LRP2: variants seen among roughly 807,000 people sequenced by gnomAD.
LRP2 encodes low-density lipoprotein receptor-related protein 2.
Under a neutral mutation model 531.0 loss-of-function variants are expected in LRP2, and 172 were observed. The ratio of observed to expected loss-of-function variants is 0.32; its 90% CI spans 0.29 to 0.37. LRP2 has a LOEUF of 0.37. LRP2 is among the 10% of genes least tolerant of loss of function. LRP2 has a pLI of 1.00. For synonymous variants in LRP2, 1,992 were observed against 2,027.6 expected (o/e 0.98, Z 0.47); for missense variants, 5,167 against 5,868.3 (o/e 0.88, Z 3.90).
At chr2:169,162,637 C>T (rs975424598) in intron 62 of LRP2, 37 bp from the exon 63 acceptor site, 7 of 1,610,762 alleles carry the variant, frequency 4.3e-6, no homozygotes, top group Non-Finnish European at 1.7e-6. Context: ...AAAACTTTTT[C>T]TTTTATGAAG....
intron 1 of LRP2, among the ~76,000 whole-genome samples, chr2:169,346,265 C>T (rs2105567587): frequency 6.6e-6 from 1 of 152,334 alleles, no homozygotes; most frequent in African/African-American, 2.4e-5. Flanking sequence ...CAGCAAGAAG[C>T]ATCTAACTTC....
At chr2:169,159,484 T>C (rs942105881) in intron 63 of LRP2, among the ~76,000 whole-genome samples, 2 of 152,190 alleles carry the variant, frequency 1.3e-5, no homozygotes, top group African/African-American at 4.8e-5. Context: ...GCTGTATGCA[T>C]GAAAGTCTTA....
At chr2:169,240,467 A>G (rs1405690983) in intron 25 of LRP2, among the ~76,000 whole-genome samples, 1 of 152,216 alleles carries the variant, frequency 6.6e-6, no homozygotes, top group African/African-American at 2.4e-5. Flanking sequence ...CACAACACAT[A>G]TGAAATCATA....
In LRP2 at chr2:169,137,473, T is replaced by C. The variant is rs1166476216; in HGVS notation, c.13539A>G (p.Glu4513=). The C allele has an allele frequency of 6.2e-7, 1 of 1,612,324 alleles. No individual in the cohort carries two copies. The highest frequency in any genetic ancestry group is 1.7e-5 in the Admixed American group (1 of 59,996). ...SMAMSEDFVM[E]MGKQPIIFEN... ...CAAATATTATGGGCTGCTTCCCCAT[T>C]TCCATGACAAAGTCTTCACTCTGAT... Residue 4513 remains glutamate, a synonymous_variant, in exon 76 of 79, where the codon GAA becomes GAG. Coordinates refer to ENST00000649046, the MANE Select transcript of LRP2 (RefSeq NM_004525.3).
intron 6 of LRP2, among the ~76,000 whole-genome samples, chr2:169,292,759 G>T (rs947811983): frequency 6.6e-6 from 1 of 151,064 alleles, no homozygotes; most frequent in South Asian, 2.1e-4. Context: ...GCCTGGTGGG[G>T]GTGTGTGGAG....
At position 169,185,668 on chromosome 2, in the gene LRP2, T is replaced by C. The variant is rs2105301655; in HGVS notation, c.9680A>G (p.Asp3227Gly). Residue 3227 changes from aspartate (D) to glycine (G), a missense_variant, in exon 50 of 79, where the codon GAC becomes GGC. Asp to Gly is a moderately conservative substitution (Grantham distance 94, BLOSUM62 -1). This residue lies in a region of LRP2 where 1,129 missense variants were observed against 1,362.7 expected (regional missense o/e 0.83). Coordinates refer to ENST00000649046, the MANE Select transcript of LRP2 (RefSeq NM_004525.3). ...GTCAAAATCTAATGCCACAACATTG[T>C]CCAGTCCTTCCAAGATGAGGGAGTA... ...YFYSLILEGL[D>G]NVVALDFDRV... The C allele has an allele frequency of 1.2e-6, 2 of 1,614,196 alleles. No homozygotes were observed. The highest frequency in any genetic ancestry group is 1.7e-6 in the Non-Finnish European group (2 of 1,180,018).
intron 49 of LRP2, 123 bp downstream of exon 49, chr2:169,187,847 G>T: frequency 9.2e-7 from 1 of 1,082,710 alleles, no homozygotes; most frequent in Non-Finnish European, 1.4e-6. Flanking sequence ...GCTATATCAG[G>T]AATAGTGATT....
chr2:169,316,073 T>C (rs1401757635), intron 3 of LRP2, among the ~76,000 whole-genome samples: 6 of 144,858 alleles, frequency 4.1e-5, no homozygotes, highest in Non-Finnish European at 7.5e-5. Context: ...GCCCAGGAGG[T>C]CAAGGCTACA....
chr2:169,174,679 T>G (rs113861106), intron 55 of LRP2, among the ~76,000 whole-genome samples: 18 of 152,274 alleles, frequency 1.2e-4, no homozygotes, highest in Admixed American at 6.5e-5. Context: ...AGGCTAATTT[T>G]TTGTATTTTT....
chr2:169,287,072 T>G (rs1168918149), intron 9 of LRP2, among the ~76,000 whole-genome samples: 2 of 152,136 alleles, frequency 1.3e-5, no homozygotes, highest in African/African-American at 2.4e-5. Context: ...GCTGCCCCTT[T>G]GCGCAGGGCT....
At chr2:169,131,883 A>G (rs1470762794) in intron 77 of LRP2, among the ~76,000 whole-genome samples, 2 of 152,260 alleles carry the variant, frequency 1.3e-5, no homozygotes, top group East Asian at 3.8e-4. Context: ...AAAACTAATG[A>G]TATACATTAA....
chr2:169,159,192 A>G lies in LRP2; in HGVS notation c.11888-1690T>C, dbSNP rs535846152. Among the ~76,000 whole-genome samples, 48 of 152,306 alleles carry G rather than the reference A, an allele frequency of 3.2e-4. 1 individual carries two copies. The highest frequency in any genetic ancestry group is 6.5e-4 in the African/African-American group (27 of 41,580). ...GGATTTAAGCTTCATCTACCTCTCA[A>G]ATAAAAAGTCTCCTGGTCATAGGCT... On this transcript the variant is annotated intron_variant, in intron 63 of 78. Transcript: ENST00000649046.
At chr2:169,218,062 T>G (rs1367810353) in intron 34 of LRP2, among the ~76,000 whole-genome samples, 1 of 152,146 alleles carries the variant, frequency 6.6e-6, no homozygotes, top group Admixed American at 6.6e-5. Flanking sequence ...TTAGTGATCA[T>G]CCACAAAGAT....
chr2:169,278,429 C>T (rs2544372), intron 12 of LRP2, among the ~76,000 whole-genome samples: 127,698 of 151,664 alleles, frequency 0.84, 53,908 homozygotes, highest in East Asian at 0.91. Flanking sequence ...GTCTGCGGCA[C>T]GCTGTGATTG....
chr2:169,311,983 T>C lies in LRP2; in HGVS notation c.311-4586A>G, dbSNP rs184386415. Among the ~76,000 whole-genome samples, 23 of 152,328 alleles carry C rather than the reference T, an allele frequency of 1.5e-4. 1 individual carries two copies. The East Asian group carries it at 2.9e-3, about 19-fold the overall frequency. ...CCTTCTTTGTCTCTTCTGATCTTTG[T>C]TGGTTTAAAGTCTGTTTTATCAGAG... On this transcript the variant is annotated intron_variant, in intron 3 of 78. Transcript: ENST00000649046.
At chr2:169,286,410 A>G (rs1456324749) in intron 9 of LRP2, among the ~76,000 whole-genome samples, 1 of 152,266 alleles carries the variant, frequency 6.6e-6, no homozygotes, top group African/African-American at 2.4e-5. Flanking sequence ...CCAATGTGTT[A>G]TTAATTGTGG....
At position 169,237,203 on chromosome 2, in the gene LRP2, C is replaced by G; in HGVS notation, c.4591G>C (p.Glu1531Gln). 6.2e-7 allele frequency: 1 copy of G among 1,613,880 alleles called. No homozygotes were observed. The highest frequency in any genetic ancestry group is 1.1e-5 in the South Asian group (1 of 91,074). ...TCAATTTTGGAGACTTCAATTGTTT[C>G]CAGAGCATAGTCTGTCCAGTAAAGA... Reference protein sequence around the residue: ...RNLYWTDYALETIEVSKIDGS... With the variant: ...RNLYWTDYALQTIEVSKIDGS... Residue 1531 changes from glutamate to glutamine, a missense_variant, in exon 28 of 79, where the codon GAA (glutamate) becomes CAA (glutamine). Around this residue, in one of 6 missense-constraint regions of LRP2, gnomAD observed 2,811 missense variants for 3,058.0 expected, o/e 0.92. Transcript: ENST00000649046.
chr2:169,212,236 T>C, intron 36 of LRP2, 29 bp from the exon 37 acceptor site: 2 of 1,613,838 alleles, frequency 1.2e-6, no homozygotes, highest in Non-Finnish European at 1.7e-6. Flanking sequence ...CATTTGTAAC[T>C]TTTGATCCTA....
At chr2:169,316,438 A>G (rs1186819094) in intron 3 of LRP2, among the ~76,000 whole-genome samples, 3 of 152,226 alleles carry the variant, frequency 2.0e-5, no homozygotes, top group African/African-American at 7.2e-5. Flanking sequence ...TTCAACAAGT[A>G]AGAGAGCCTC....
Sources: gnomAD v4.1 joint callset for allele counts (sites outside exome capture counted in the v4.1 genomes callset) on GRCh38, gnomAD v4.1.1 for gene constraint, gnomAD v4.1.1 regional missense constraint, MANE v1.5 for transcripts, NCBI Gene and HGNC (gene_info 2026-07-23, HGNC 2026-07-21) for gene names.